CNOT10: variants seen among roughly 807,000 people sequenced by gnomAD.
CNOT10 encodes CCR4-NOT transcription complex, subunit 10.
A neutral mutation model predicts 94.6 loss-of-function variants in CNOT10; 30 were observed. The observed-to-expected ratio is 0.32, with a 90% CI of 0.24 to 0.43. The LOEUF (loss-of-function observed/expected upper bound fraction) is 0.43, where lower values mean the gene tolerates loss of function less well. Among genes scored for constraint, CNOT10 ranks in the 20% least tolerant of loss-of-function variants. The pLI is 1.00. For missense variants in CNOT10, 759 were observed against 877.2 expected, an observed-to-expected ratio of 0.87 and a Z score of 1.70; for synonymous variants, 289 against 301.6, an observed-to-expected ratio of 0.96 and a Z score of 0.43.
At chr3:32,689,376 A>G (rs1393017955) in intron 1 of CNOT10, among the ~76,000 whole-genome samples, 2 of 151,256 alleles carry the variant, frequency 1.3e-5, no homozygotes, top group East Asian at 1.9e-4. Flanking sequence ...AAAGAAAAAG[A>G]AAAAAAAGAA....
chr3:32,712,867 G>A (rs768374842), intron 4 of CNOT10, among the ~76,000 whole-genome samples: 1 of 152,062 alleles, frequency 6.6e-6, no homozygotes, highest in African/African-American at 2.4e-5. Flanking sequence ...GGATTTTGGA[G>A]GATTACAAAT....
chr3:32,735,236 G>A (rs764953424), intron 12 of CNOT10, among the ~76,000 whole-genome samples: 1 of 152,172 alleles, frequency 6.6e-6, no homozygotes, highest in Non-Finnish European at 1.5e-5. Flanking sequence ...ATGCCTGCCT[G>A]TAAAAGGCTG....
chr3:32,756,171 C>T (rs1221542611), intron 13 of CNOT10, among the ~76,000 whole-genome samples: 1 of 152,124 alleles, frequency 6.6e-6, no homozygotes, highest in East Asian at 1.9e-4. Context: ...GATTGTAATG[C>T]ACCAAGAGAA....
At chr3:32,740,637 T>C (rs6773106) in intron 13 of CNOT10, among the ~76,000 whole-genome samples, 147,061 of 151,930 alleles carry the variant, frequency 0.97, 71,376 homozygotes, top group East Asian at 1. Flanking sequence ...CCGAGGCGGG[T>C]GGATCACAAG....
rs143810256 is a variant in CNOT10 at position 32,766,824 on chromosome 3, A to T, written c.2004+2015A>T. ...GATCTCTTTAGTAGGTCACCTGCCA[A>T]TCCCTGGACCAATCATGGGCATTGA... On this transcript the variant is annotated intron_variant, in intron 17 of 18. Transcript: ENST00000328834. 5.8e-4 allele frequency among the ~76,000 whole-genome samples: 89 copies of T among 152,270 alleles called. No individual in the cohort carries two copies. In the East Asian group the frequency reaches 0.016, roughly 28 times the overall value.
At chr3:32,713,531 C>T (rs539815645) in intron 5 of CNOT10, among the ~76,000 whole-genome samples, 162 bp downstream of exon 5, 22 of 152,226 alleles carry the variant, frequency 1.4e-4, no homozygotes, top group African/African-American at 4.8e-4. Context: ...TAAGCTTTAC[C>T]ATTTTAAAGT....
chr3:32,718,280 T>A (rs370828317), intron 7 of CNOT10, among the ~76,000 whole-genome samples: 21 of 147,370 alleles, frequency 1.4e-4, no homozygotes, highest in South Asian at 4.4e-4. Flanking sequence ...TTTTTTTTTT[T>A]AATGATAAAA....
chr3:32,734,294 T>G (rs1699084062), intron 11 of CNOT10, among the ~76,000 whole-genome samples: 1 of 152,222 alleles, frequency 6.6e-6, no homozygotes, highest in Admixed American at 6.5e-5. Context: ...TCTCTTTGGG[T>G]ATATCAAACC....
At chr3:32,764,143 C>A (rs1157537452) in intron 15 of CNOT10, 2 of 251,810 alleles carry the variant, frequency 7.9e-6, no homozygotes, top group Non-Finnish European at 1.5e-5. Flanking sequence ...AAAAAACCAG[C>A]CTGACCAACA....
intron 13 of CNOT10, among the ~76,000 whole-genome samples, chr3:32,738,803 A>G (rs1463603089): frequency 6.6e-6 from 1 of 151,770 alleles, no homozygotes; most frequent in Non-Finnish European, 1.5e-5. Flanking sequence ...TTTATTTTTC[A>G]AGGAATTTTC....
chr3:32,724,071 C>T (rs1186858270), intron 8 of CNOT10, among the ~76,000 whole-genome samples: 1 of 152,036 alleles, frequency 6.6e-6, no homozygotes, highest in African/African-American at 2.4e-5. Context: ...TGGAATGAGA[C>T]CCTGTCTCAG....
At chr3:32,710,614 G>T (rs1362196509) in intron 4 of CNOT10, among the ~76,000 whole-genome samples, 1 of 152,024 alleles carries the variant, frequency 6.6e-6, no homozygotes, top group African/African-American at 2.4e-5. Flanking sequence ...ATTCTGTGTT[G>T]TGCCTGTTCA....
At position 32,704,033 on chromosome 3, in the gene CNOT10, T is replaced by A. The variant is rs1697497812; in HGVS notation, c.117+71T>A. 11 of 920,940 alleles carry A rather than the reference T, an allele frequency of 1.2e-5. No homozygotes were observed. In the East Asian group the frequency reaches 2.8e-4, roughly 24 times the overall value. 57.0% of individuals were successfully genotyped at this position (920,940 alleles called of 1,614,324 possible). A position where few individuals can be genotyped will look rare whatever the true frequency, so the allele number is the denominator to read the frequency against. ...CAAGTATGAATCTTTTCATAGTGAATTTTTAAATTTACAATTTTTACTCTG... is the reference window on the plus strand; with the variant it reads ...CAAGTATGAATCTTTTCATAGTGAAATTTTAAATTTACAATTTTTACTCTG... On this transcript the variant is annotated intron_variant, in intron 2 of 18. Transcript: ENST00000328834.
intron 12 of CNOT10, among the ~76,000 whole-genome samples, chr3:32,735,864 A>G (rs572371088): frequency 6.6e-6 from 1 of 152,224 alleles, no homozygotes; most frequent in South Asian, 2.1e-4. Flanking sequence ...AAATTATGCA[A>G]ATCTAGGCAG....
At chr3:32,750,638 G>A (rs1044265975) in intron 13 of CNOT10, among the ~76,000 whole-genome samples, 1 of 150,950 alleles carries the variant, frequency 6.6e-6, no homozygotes, top group South Asian at 2.1e-4. Context: ...TCCAACCTCC[G>A]CCTCCTGGGT....
intron 1 of CNOT10, among the ~76,000 whole-genome samples, chr3:32,690,856 A>G (rs1477114573): frequency 1.3e-5 from 2 of 151,974 alleles, no homozygotes; most frequent in Non-Finnish European, 2.9e-5. Context: ...CTTATTTGGT[A>G]TTTTTTCAAC....
At chr3:32,753,810 C>T in intron 13 of CNOT10, 1 of 1,586,040 alleles carries the variant, frequency 6.3e-7, no homozygotes, top group South Asian at 1.1e-5. Flanking sequence ...TTATGGGAGT[C>T]TGATGGTACA....
At position 32,764,694 on chromosome 3, in the gene CNOT10, C is replaced by A. The variant is rs1334559407; in HGVS notation, c.1889C>A (p.Ala630Asp). 1.2e-6 allele frequency: 2 copies of A among 1,613,762 alleles called. No homozygotes were observed. Among genetic ancestry groups the A allele is most frequent in the Non-Finnish European group, 1.7e-6 (2 of 1,179,954 alleles). Residue 630 changes from alanine (A) to aspartate (D), a missense_variant, in exon 17 of 19, where the codon GCC becomes GAC. Around this residue, in one of 3 missense-constraint regions of CNOT10, gnomAD observed 682 missense variants for 799.4 expected, o/e 0.85. Transcript: ENST00000328834. Reference sequence around the variant, plus strand: ...TCTTTTTCCCCAGCTGGTAAGCGGGCCCCTCAGTGCTACCCCAGTTCCGTC... The same window carrying A: ...TCTTTTTCCCCAGCTGGTAAGCGGGACCCTCAGTGCTACCCCAGTTCCGTC... Reference protein sequence around the residue: ...NEAMESSGKRAPQCYPSSVNS... With the variant: ...NEAMESSGKRDPQCYPSSVNS...
intron 3 of CNOT10, among the ~76,000 whole-genome samples, chr3:32,705,602 A>G (rs908267590): frequency 2.0e-5 from 3 of 152,272 alleles, no homozygotes; most frequent in African/African-American, 7.2e-5. Context: ...AATTTTTCTT[A>G]TTTTAAAAGT....
Sources: gnomAD v4.1 joint callset for allele counts (sites outside exome capture counted in the v4.1 genomes callset) on GRCh38, gnomAD v4.1.1 for gene constraint, gnomAD v4.1.1 regional missense constraint, MANE v1.5 for transcripts, NCBI Gene and HGNC (gene_info 2026-07-23, HGNC 2026-07-21) for gene names.